Variants in CHAMP1 observed in about 807,000 individuals in gnomAD.
CHAMP1 encodes chromosome alignment maintaining phosphoprotein 1, also known as chromosome alignment-maintaining phosphoprotein 1.
CHAMP1 carries 4 observed loss-of-function variants against 54.5 expected under a neutral mutation model. The observed-to-expected ratio is 0.07, with a 90% CI of 0.04 to 0.17. The LOEUF (loss-of-function observed/expected upper bound fraction) is 0.17, where lower values mean the gene tolerates loss of function less well. CHAMP1 is among the 10% of genes least tolerant of loss of function. The probability of loss-of-function intolerance (pLI) is 1.00; values close to 1 mark genes in which losing one functional copy is unlikely to be tolerated. For missense variants in CHAMP1, 994 were observed against 968.6 expected (o/e 1.03, Z -0.35); for synonymous variants, 368 against 342.2 (o/e 1.08, Z -0.83).
intron 2 of CHAMP1, chr13:114,323,243 T>C (rs2087195678): frequency 6.6e-6 from 1 of 152,280 alleles, no homozygotes; most frequent in South Asian, 2.1e-4. Flanking sequence ...AGATTAAACA[T>C]TACAAAATAT....
chr13:114,315,738 A>G (rs144190000), intron 1 of CHAMP1, among the ~76,000 whole-genome samples: 356 of 152,308 alleles, frequency 2.3e-3, no homozygotes, highest in African/African-American at 5.1e-3. Flanking sequence ...GTTTGTGGTG[A>G]AGAAGTTCTG....
chr13:114,320,062 G>A (rs2087148724), intron 1 of CHAMP1, among the ~76,000 whole-genome samples: 1 of 152,186 alleles, frequency 6.6e-6, no homozygotes, highest in Non-Finnish European at 1.5e-5. Flanking sequence ...TACGATGAAT[G>A]GGTTGGAAGA....
intron 1 of CHAMP1, among the ~76,000 whole-genome samples, chr13:114,315,354 G>A (rs1426738585): frequency 6.6e-6 from 1 of 152,172 alleles, no homozygotes; most frequent in Non-Finnish European, 1.5e-5. Context: ...TATGGAAATT[G>A]GTAGTCGTTC....
intron 1 of CHAMP1, among the ~76,000 whole-genome samples, chr13:114,320,460 G>A (rs1018493041): frequency 6.6e-6 from 1 of 152,028 alleles, no homozygotes; most frequent in Non-Finnish European, 1.5e-5. Flanking sequence ...ATCAATAATT[G>A]ACAAAAGTCA....
chr13:114,325,362 C>A lies in CHAMP1; in HGVS notation c.1520C>A (p.Ser507Tyr). Reference protein sequence around the residue: ...RKPGPSGPSESPKAASDIWKP... With the variant: ...RKPGPSGPSEYPKAASDIWKP... Reference sequence around the variant, plus strand: ...CCAGGTCCTTCTGGGCCATCTGAGTCCCCCAAAGCAGCCTCAGATATCTGG... The same window carrying A: ...CCAGGTCCTTCTGGGCCATCTGAGTACCCCAAAGCAGCCTCAGATATCTGG... Residue 507 changes from serine (S) to tyrosine (Y), a missense_variant, in exon 3 of 3, where the codon TCC becomes TAC. Transcript: ENST00000361283. 6.2e-7 allele frequency: 1 copy of A among 1,614,086 alleles called. No individual in the cohort carries two copies. Among genetic ancestry groups the A allele is most frequent in the Non-Finnish European group, 8.5e-7 (1 of 1,180,024 alleles).
intron 1 of CHAMP1, among the ~76,000 whole-genome samples, chr13:114,320,104 C>T (rs977248198): frequency 6.6e-6 from 1 of 152,040 alleles, no homozygotes; most frequent in African/African-American, 2.4e-5. Context: ...GTTCAGATGT[C>T]AGAATTAAAG....
At chr13:114,323,214 T>C (rs2087195374) in intron 2 of CHAMP1, 1 of 152,262 alleles carries the variant, frequency 6.6e-6, no homozygotes, top group African/African-American at 2.4e-5. Flanking sequence ...AATGAATTAA[T>C]AGAATACTAT....
chr13:114,325,125 C>G lies in CHAMP1; in HGVS notation c.1283C>G (p.Pro428Arg). The G allele has an allele frequency of 6.2e-7, 1 of 1,614,174 alleles. No homozygotes were observed. The highest frequency in any genetic ancestry group is 8.5e-7 in the Non-Finnish European group (1 of 1,180,026). ...ELRKPGPPLS[P>R]EIRSPAGSPE... ...CGCAAACCCGGCCCACCACTATCCC[C>G]AGAGATCCGTAGTCCAGCAGGATCT... Residue 428 changes from proline to arginine, a missense_variant, in exon 3 of 3, where the codon CCA (proline) becomes CGA (arginine). By Grantham distance (103) the Pro-to-Arg change is moderately radical. Coordinates refer to ENST00000361283, the MANE Select transcript of CHAMP1 (RefSeq NM_032436.4).
intron 1 of CHAMP1, among the ~76,000 whole-genome samples, chr13:114,316,023 A>AC (rs1448527851): frequency 1.3e-5 from 2 of 151,182 alleles, no homozygotes; most frequent in African/African-American, 2.4e-5. Flanking sequence ...TTTAGTAGAG[A>AC]TAGGGTTTCT....
chr13:114,322,080 C>T (rs1555379166), intron 2 of CHAMP1: 1 of 127,074 alleles, frequency 7.9e-6, no homozygotes, highest in East Asian at 2.3e-4. Flanking sequence ...CTTGCTCTGT[C>T]ACCAGGCTGG....
rs1198207031 is a variant in CHAMP1, at chr13:114,316,618, C to T, written c.-179+1975C>T. Among the ~76,000 whole-genome samples, 2 of 151,926 alleles carry T rather than the reference C, an allele frequency of 1.3e-5. 1 individual carries two copies. The highest frequency in any genetic ancestry group is 2.9e-5 in the Non-Finnish European group (2 of 67,954). On this transcript the variant is annotated intron_variant, in intron 1 of 2. Coordinates refer to ENST00000361283, the MANE Select transcript of CHAMP1 (RefSeq NM_032436.4). ...AAAAAATAAATAAATAAAAATGACT[C>T]CTTGTGTAAACTATAGACTACTTAA...
At chr13:114,319,208 A>C (rs1409663118) in intron 1 of CHAMP1, among the ~76,000 whole-genome samples, 3 of 152,124 alleles carry the variant, frequency 2.0e-5, no homozygotes, top group Non-Finnish European at 4.4e-5. Flanking sequence ...AAGCTGTTTA[A>C]TGTCAAGCTT....
rs2087255646 is a variant in CHAMP1 at position 114,326,663 on chromosome 13, TAAG to T, written c.*385_*387del. On this transcript the variant is annotated 3_prime_UTR_variant, in exon 3 of 3. Coordinates refer to ENST00000361283, the MANE Select transcript of CHAMP1 (RefSeq NM_032436.4). ...AATAGAAAATATTAGTTGAAATGTT[TAAG>T]AATTAGGCATGAAAAATAAATTTGA... is the stretch of plus-strand genomic sequence containing the variant. 5.7e-6 allele frequency: 1 copy of T among 175,150 alleles called. No homozygotes were observed. The highest frequency in any genetic ancestry group is 2.0e-4 in the South Asian group (1 of 4,932). 10.8% of individuals were successfully genotyped at this position (175,150 alleles called of 1,614,324 possible).
At position 114,326,407 on chromosome 13, in the gene CHAMP1, A is replaced by C; in HGVS notation, c.*126A>C. The C allele has an allele frequency of 9.1e-7, 1 of 1,098,532 alleles. No individual in the cohort carries two copies. The highest frequency in any genetic ancestry group is 1.3e-6 in the Non-Finnish European group (1 of 798,228). 68.0% of individuals were successfully genotyped at this position (1,098,532 alleles called of 1,614,324 possible). On this transcript the variant is annotated 3_prime_UTR_variant, in exon 3 of 3. Coordinates refer to ENST00000361283, the MANE Select transcript of CHAMP1 (RefSeq NM_032436.4). The stretch of plus-strand genomic sequence containing the variant: ...ATGGTGTACCGTGTTTCACTGTCTC[A>C]GTTGTGTTACTAAGAATGAGCATTT...
intron 1 of CHAMP1, among the ~76,000 whole-genome samples, chr13:114,318,328 G>T (rs529327253): frequency 0.021 from 2,838 of 134,258 alleles, 54 homozygotes; most frequent in African/African-American, 0.061. Flanking sequence ...TTTTTTTTTT[G>T]GTTTTCTTTT....
At position 114,326,710 on chromosome 13, in the gene CHAMP1, A is replaced by T. The variant is rs532020013; in HGVS notation, c.*429A>T. On this transcript the variant is annotated 3_prime_UTR_variant, in exon 3 of 3. Coordinates refer to ENST00000361283, the MANE Select transcript of CHAMP1 (RefSeq NM_032436.4). The stretch of plus-strand genomic sequence containing the variant: ...AATTTGAGAAATTTTGTTTCCTTAC[A>T]TGTATTTTTAAATCATAAGAGTTAT... 1 of 168,072 alleles carries T rather than the reference A, an allele frequency of 5.9e-6. No homozygotes were observed. The highest frequency in any genetic ancestry group is 1.4e-5 in the Non-Finnish European group (1 of 69,102). The allele number at this position is 168,072 out of a possible 1,614,324, so 10.4% of individuals were successfully genotyped here. A position where few individuals can be genotyped will look rare whatever the true frequency, so the allele number is the denominator to read the frequency against.
intron 1 of CHAMP1, among the ~76,000 whole-genome samples, chr13:114,315,128 A>G (rs1272014021): frequency 6.6e-6 from 1 of 152,174 alleles, no homozygotes; most frequent in East Asian, 1.9e-4. Context: ...TTGAATAGAT[A>G]TTTCTCCAGA....
At chr13:114,318,933 C>T (rs966578615) in intron 1 of CHAMP1, among the ~76,000 whole-genome samples, 13 of 143,454 alleles carry the variant, frequency 9.1e-5, no homozygotes, top group African/African-American at 3.2e-4. Flanking sequence ...TCCTTCCTGC[C>T]CAGAGCTGGG....
At chr13:114,318,629 A>C (rs1269690687) in intron 1 of CHAMP1, among the ~76,000 whole-genome samples, 1 of 151,946 alleles carries the variant, frequency 6.6e-6, no homozygotes, top group Non-Finnish European at 1.5e-5. Context: ...CGGCCTGATC[A>C]TCAGATTCTA....
Sources: gnomAD v4.1 joint callset for allele counts (sites outside exome capture counted in the v4.1 genomes callset) on GRCh38, gnomAD v4.1.1 for gene constraint, MANE v1.5 for transcripts, NCBI Gene and HGNC (gene_info 2026-07-23, HGNC 2026-07-21) for gene names.